Variants in ZC3H3 observed in about 807,000 individuals in gnomAD.
ZC3H3 encodes zinc finger CCCH domain-containing protein 3.
A neutral mutation model predicts 77.3 loss-of-function variants in ZC3H3; 36 were observed. The observed-to-expected ratio is 0.47, with a 90% CI of 0.36 to 0.61. ZC3H3 has a LOEUF of 0.61. Among genes scored for constraint, ZC3H3 ranks in the 20% least tolerant of loss-of-function variants. ZC3H3 has a pLI of 0.00. For synonymous variants in ZC3H3, 626 were observed against 555.2 expected (o/e 1.13, Z -1.79); for missense variants, 1,331 against 1,312.2 (o/e 1.01, Z -0.22).
At chr8:143,469,283 C>A (rs1280815426) in intron 5 of ZC3H3, among the ~76,000 whole-genome samples, 1 of 152,216 alleles carries the variant, frequency 6.6e-6, no homozygotes, top group African/African-American at 2.4e-5. Context: ...CCATGGGGCA[C>A]ACATGGTCTG....
At chr8:143,523,056 CA>C (rs1261798350) in intron 3 of ZC3H3, among the ~76,000 whole-genome samples, 4 of 152,226 alleles carry the variant, frequency 2.6e-5, no homozygotes, top group African/African-American at 9.7e-5. Flanking sequence ...CCCTCAGGGT[CA>C]GGGGCTAGTG....
intron 5 of ZC3H3, 37 bp downstream of exon 5, chr8:143,475,361 G>T: frequency 1.3e-6 from 2 of 1,592,076 alleles, no homozygotes; most frequent in Non-Finnish European, 8.6e-7. Context: ...CTAGCCGGTC[G>T]GTGTCATCTC....
chr8:143,531,553 A>C (rs1822607725), intron 3 of ZC3H3, among the ~76,000 whole-genome samples: 1 of 152,240 alleles, frequency 6.6e-6, no homozygotes, highest in African/African-American at 2.4e-5. Context: ...ATTCAATTAA[A>C]GCGATTATCT....
intron 4 of ZC3H3, among the ~76,000 whole-genome samples, chr8:143,506,426 T>C (rs1821698331): frequency 6.6e-6 from 1 of 152,056 alleles, no homozygotes; most frequent in African/African-American, 2.4e-5. Context: ...ATCACAGTGA[T>C]TTAGTGTGGG....
chr8:143,525,761 T>C (rs1822392626), intron 3 of ZC3H3, among the ~76,000 whole-genome samples: 1 of 152,250 alleles, frequency 6.6e-6, no homozygotes, highest in Admixed American at 6.5e-5. Context: ...ACCCACGCAG[T>C]GACCAGAGCT....
chr8:143,463,046 CA>C (rs1031365382), intron 9 of ZC3H3, among the ~76,000 whole-genome samples: 2 of 150,986 alleles, frequency 1.3e-5, no homozygotes, highest in Non-Finnish European at 2.9e-5. Context: ...TGCAGTGGCG[CA>C]ATCTCAGCTC....
rs1211199595 is a variant in ZC3H3 at position 143,493,392 on chromosome 8, G to A, written c.1715+14354C>T. Among the ~76,000 whole-genome samples the A allele has an allele frequency of 6.6e-6, 1 of 152,222 alleles. No individual in the cohort carries two copies. Among genetic ancestry groups the A allele is most frequent in the Non-Finnish European group, 1.5e-5 (1 of 68,034 alleles). On this transcript the variant is annotated intron_variant, in intron 4 of 11. Coordinates refer to ENST00000262577, the MANE Select transcript of ZC3H3 (RefSeq NM_015117.3). This position sits in a 1 kb window ranked among gnomAD's most constrained non-coding sequence, Gnocchi z 4.8. ...TCGGTGTGGATGCGGGCTAGCTCAG[G>A]CCCTGGCAAGACTGGCTTCTCCTCC...
At position 143,493,369 on chromosome 8, in the gene ZC3H3, G is replaced by A. The variant is rs1320448128; in HGVS notation, c.1715+14377C>T. On this transcript the variant is annotated intron_variant, in intron 4 of 11. Coordinates refer to ENST00000262577, the MANE Select transcript of ZC3H3 (RefSeq NM_015117.3). This position sits in a 1 kb window ranked among gnomAD's most constrained non-coding sequence, Gnocchi z 4.8. ...TGTCCCTCAGGGACATCCCAGCCTC[G>A]GTGTGGATGCGGGCTAGCTCAGGCC... is the stretch of plus-strand genomic sequence containing the variant. Among the ~76,000 whole-genome samples, 5 of 152,190 alleles carry A rather than the reference G, an allele frequency of 3.3e-5. No homozygotes were observed. Among genetic ancestry groups the A allele is most frequent in the Admixed American group, 6.5e-5 (1 of 15,288 alleles).
chr8:143,517,918 A>G (rs546200011), intron 3 of ZC3H3, among the ~76,000 whole-genome samples: 4 of 152,184 alleles, frequency 2.6e-5, no homozygotes, highest in Non-Finnish European at 5.9e-5. Flanking sequence ...AGCAGCCCCC[A>G]GAGGACAGAC....
At chr8:143,502,299 G>A (rs1389073838) in intron 4 of ZC3H3, among the ~76,000 whole-genome samples, 1 of 152,278 alleles carries the variant, frequency 6.6e-6, no homozygotes, top group African/African-American at 2.4e-5. Context: ...GGGCAGGGTG[G>A]CTGGCGTCCC....
chr8:143,536,166 G>A (rs1563887532), intron 3 of ZC3H3, 91 bp downstream of exon 3: 2 of 1,435,072 alleles, frequency 1.4e-6, no homozygotes, highest in South Asian at 1.3e-5. Context: ...ACCAGCATGA[G>A]GCAGGGAAGG....
chr8:143,490,638 G>A (rs1442402984), intron 4 of ZC3H3, among the ~76,000 whole-genome samples: 1 of 152,236 alleles, frequency 6.6e-6, no homozygotes, highest in East Asian at 1.9e-4. Context: ...CTGATGGCCG[G>A]GTGCAGTGGC....
In ZC3H3 at chr8:143,465,953, ACG is replaced by A. The variant is rs1820397345; in HGVS notation, c.2176-107_2176-106del. On this transcript the variant is annotated intron_variant, in intron 8 of 11. Transcript: ENST00000262577. ...GGCCCCGCCCGAGAGAGAAATGGAC[ACG>A]CGGCACCAGCAGGCAGGAAGGGCAG... 2.1e-6 allele frequency: 3 copies of A among 1,434,822 alleles called. No homozygotes were observed. The East Asian group carries it at 7.5e-5, about 36-fold the overall frequency. 88.9% of individuals were successfully genotyped at this position (1,434,822 alleles called of 1,614,324 possible).
intron 4 of ZC3H3, among the ~76,000 whole-genome samples, chr8:143,480,505 G>A (rs966862640): frequency 6.6e-6 from 1 of 152,262 alleles, no homozygotes; most frequent in South Asian, 2.1e-4. Flanking sequence ...CCTGGGCACA[G>A]ATGCACACAT....
chr8:143,510,842 C>T (rs963981703), intron 3 of ZC3H3, among the ~76,000 whole-genome samples: 4 of 152,190 alleles, frequency 2.6e-5, no homozygotes, highest in African/African-American at 7.2e-5. Flanking sequence ...TTTTTCTCCA[C>T]GTGATGCATT....
In ZC3H3 at chr8:143,519,004, G is replaced by A. The variant is rs781335308; in HGVS notation, c.1562-11105C>T. Among the ~76,000 whole-genome samples the A allele has an allele frequency of 5.9e-5, 9 of 152,224 alleles. No individual in the cohort carries two copies. In the South Asian group the frequency reaches 1.0e-3, roughly 17 times the overall value. ...GCCCCAGCAGCAATGCCTGCCTCCC[G>A]GTGATGCATCCCCAGTGCACAGTGA... On this transcript the variant is annotated intron_variant, in intron 3 of 11. Coordinates refer to ENST00000262577, the MANE Select transcript of ZC3H3 (RefSeq NM_015117.3).
chr8:143,440,384 G>A, intron 10 of ZC3H3, 21 bp from the exon 11 acceptor site: 1 of 1,507,176 alleles, frequency 6.6e-7, no homozygotes, highest in Non-Finnish European at 8.9e-7. Context: ...GGAAGGGGCA[G>A]ACGTGTGAGG....
chr8:143,456,432 T>C (rs372420663), intron 9 of ZC3H3, among the ~76,000 whole-genome samples: 4 of 152,050 alleles, frequency 2.6e-5, no homozygotes, highest in African/African-American at 9.7e-5. Context: ...ATATGACACA[T>C]ATATACATTT....
intron 9 of ZC3H3, among the ~76,000 whole-genome samples, chr8:143,452,152 A>G (rs1820003650): frequency 6.6e-6 from 1 of 152,252 alleles, no homozygotes. Context: ...GCAAAGGCTG[A>G]GGAGGGAGCC....
Sources: allele counts gnomAD v4.1 joint callset (sites outside exome capture counted in the v4.1 genomes callset), GRCh38; gene constraint gnomAD v4.1.1; non-coding constraint Gnocchi (gnomAD v3.1); transcripts MANE v1.5; gene names NCBI Gene and HGNC (gene_info 2026-07-23, HGNC 2026-07-21).